PRKN: variants seen among roughly 807,000 people sequenced by gnomAD.
The protein encoded by PRKN is parkin RBR E3 ubiquitin protein ligase.
In PRKN, 56 loss-of-function variants were observed where a neutral mutation model predicts 59.5. That is an observed-to-expected ratio of 0.94 (90% confidence interval 0.76 to 1.18). The LOEUF (loss-of-function observed/expected upper bound fraction) is 1.18, where lower values mean the gene tolerates loss of function less well. PRKN is among the 50% of genes most tolerant of loss of function. The pLI is 0.00. For synonymous variants in PRKN, 250 were observed against 222.1 expected (o/e 1.13, Z -1.12); for missense variants, 657 against 596.4 (o/e 1.10, Z -1.06).
rs566537051 is a variant in PRKN, at chr6:161,733,133, C to A, written c.871+52639G>T. On this transcript the variant is annotated intron_variant, in intron 7 of 11. Transcript: ENST00000366898. ...TGAGGTATTATTATCAGAAAGATATCAAACAGTTAAACTTCACCTCTACTA... is the reference window on the plus strand; with the variant it reads ...TGAGGTATTATTATCAGAAAGATATAAAACAGTTAAACTTCACCTCTACTA... 1.3e-4 allele frequency among the ~76,000 whole-genome samples: 20 copies of A among 152,262 alleles called. No homozygotes were observed. The South Asian group carries it at 4.2e-3, about 32-fold the overall frequency.
At chr6:161,681,086 C>T (rs1253335907) in intron 7 of PRKN, among the ~76,000 whole-genome samples, 1 of 151,942 alleles carries the variant, frequency 6.6e-6, no homozygotes, top group East Asian at 1.9e-4. Context: ...TCAGCCTCCC[C>T]AGTAGCTGGA....
rs781518268 is a variant in PRKN at position 161,658,030 on chromosome 6, A to AAAAAAAAAAAAAAAAAAAAAG, written c.872-88615_872-88614insCTTTTTTTTTTTTTTTTTTTT. On this transcript the variant is annotated intron_variant, in intron 7 of 11. Transcript: ENST00000366898. Reference sequence around the variant, plus strand: ...GACTCTGTCTCAAAAAAAAAAAAAAAAAAAGAAAAGAAAAGAAAAAAACGG... The same window carrying AAAAAAAAAAAAAAAAAAAAAG: ...GACTCTGTCTCAAAAAAAAAAAAAAAAAAAAAAAAAAAAAAAAAAAGAAAAGAAAAGAAAAGAAAAAAACGG... Among the ~76,000 whole-genome samples the AAAAAAAAAAAAAAAAAAAAAG allele has an allele frequency of 1.9e-3, 198 of 104,830 alleles. 4 individuals are homozygous for AAAAAAAAAAAAAAAAAAAAAG. The highest frequency in any genetic ancestry group is 2.9e-3 in the Non-Finnish European group (151 of 52,796). The allele number at this position is 104,830 out of a possible 152,430, so 68.8% of individuals were successfully genotyped here. A position where few individuals can be genotyped will look rare whatever the true frequency, so the allele number is the denominator to read the frequency against.
chr6:161,839,699 A>G (rs993601572), intron 6 of PRKN, among the ~76,000 whole-genome samples: 7 of 152,194 alleles, frequency 4.6e-5, no homozygotes, highest in Non-Finnish European at 7.3e-5. Context: ...AACAATTTAA[A>G]GCCTTCTGGG....
chr6:162,292,859 C>A (rs1781506253), intron 2 of PRKN, among the ~76,000 whole-genome samples: 1 of 152,104 alleles, frequency 6.6e-6, no homozygotes. Flanking sequence ...GGATCTCCTA[C>A]AGCACACAAA....
intron 3 of PRKN, among the ~76,000 whole-genome samples, chr6:162,213,549 G>A (rs1777494351): frequency 6.6e-6 from 1 of 151,886 alleles, no homozygotes; most frequent in African/African-American, 2.4e-5. Context: ...AGCACAGTGA[G>A]ACTTCATCTC....
At chr6:162,508,148 A>G (rs927260476) in intron 1 of PRKN, among the ~76,000 whole-genome samples, 1 of 152,224 alleles carries the variant, frequency 6.6e-6, no homozygotes, top group African/African-American at 2.4e-5. Flanking sequence ...CAGCGGCAAG[A>G]GAAAATGAGG....
chr6:162,555,107 C>A (rs1779505955), intron 1 of PRKN, among the ~76,000 whole-genome samples: 1 of 151,936 alleles, frequency 6.6e-6, no homozygotes, highest in Admixed American at 6.6e-5. Flanking sequence ...TGTGATACCC[C>A]AACGCAAACA....
intron 6 of PRKN, among the ~76,000 whole-genome samples, chr6:161,832,657 T>C (rs2128218924): frequency 6.7e-6 from 1 of 148,522 alleles, no homozygotes; most frequent in East Asian, 2.0e-4. Flanking sequence ...TCAATATCAG[T>C]GTATACCCGC....
At chr6:161,508,494 A>G (rs7766600) in intron 9 of PRKN, among the ~76,000 whole-genome samples, 12,289 of 152,200 alleles carry the variant, frequency 0.081, 711 homozygotes, top group African/African-American at 0.16. Flanking sequence ...TCCATTACAC[A>G]TGATGAAAAA....
At chr6:161,839,863 T>C (rs1020300570) in intron 6 of PRKN, among the ~76,000 whole-genome samples, 2 of 152,198 alleles carry the variant, frequency 1.3e-5, no homozygotes, top group African/African-American at 2.4e-5. Context: ...ATGTATCCTA[T>C]TATAAAATTT....
intron 7 of PRKN, among the ~76,000 whole-genome samples, chr6:161,711,260 A>G (rs1463101445): frequency 6.6e-6 from 1 of 152,204 alleles, no homozygotes; most frequent in Non-Finnish European, 1.5e-5. Context: ...AGAAAGGGAA[A>G]TACATATAAC....
chr6:162,256,857 A>G (rs138218053), intron 3 of PRKN, among the ~76,000 whole-genome samples: 29 of 152,278 alleles, frequency 1.9e-4, no homozygotes, highest in African/African-American at 5.8e-4. Context: ...CTTCAGAAAA[A>G]TCAAAACATT....
At chr6:162,048,108 A>C (rs972291954) in intron 5 of PRKN, among the ~76,000 whole-genome samples, 23 of 152,008 alleles carry the variant, frequency 1.5e-4, no homozygotes, top group African/African-American at 5.6e-4. Flanking sequence ...TAAGAGTTGA[A>C]CTCCAGTCAA....
intron 1 of PRKN, 91 bp downstream of exon 1, chr6:162,727,571 C>T (rs2128243029): frequency 2.2e-6 from 3 of 1,365,798 alleles, no homozygotes; most frequent in East Asian, 2.5e-5. Context: ...ACAGTTGGCA[C>T]CGGGGGTCCT....
At chr6:162,189,625 A>G (rs1784186960) in intron 4 of PRKN, among the ~76,000 whole-genome samples, 1 of 151,868 alleles carries the variant, frequency 6.6e-6, no homozygotes, top group Non-Finnish European at 1.5e-5. Flanking sequence ...AATGAATCTA[A>G]TAAGGGAGCC....
chr6:161,455,991 T>A (rs1487676783), intron 9 of PRKN, among the ~76,000 whole-genome samples: 1 of 152,222 alleles, frequency 6.6e-6, no homozygotes, highest in East Asian at 1.9e-4. Context: ...GTTTATAGTT[T>A]CTTCCAGTTC....
rs1177703805 is a variant in PRKN at position 161,484,801 on chromosome 6, G to A, written c.1083+64053C>T. Among the ~76,000 whole-genome samples the A allele has an allele frequency of 6.6e-6, 1 of 152,064 alleles. No individual in the cohort carries two copies. Among genetic ancestry groups the A allele is most frequent in the African/African-American group, 2.4e-5 (1 of 41,392 alleles). On this transcript the variant is annotated intron_variant, in intron 9 of 11. Transcript: ENST00000366898. The surrounding 1 kb of genome is among the most constrained non-coding windows in gnomAD (Gnocchi z 4.9). ...TCCAGACATGACCAAATATCCCCTG[G>A]GGACAAAATCGCTGGCAACTGAGCA...
At chr6:162,601,871 G>T (rs73595953) in intron 1 of PRKN, among the ~76,000 whole-genome samples, 28 of 152,210 alleles carry the variant, frequency 1.8e-4, no homozygotes, top group African/African-American at 6.3e-4. Context: ...TGAATTTATC[G>T]TATCTTTAAC....
chr6:162,024,201 T>TC lies in PRKN; in HGVS notation c.618+29889_618+29890insG, dbSNP rs1170604070. 2.2e-5 allele frequency among the ~76,000 whole-genome samples: 3 copies of TC among 138,372 alleles called. No homozygotes were observed. The Admixed American group carries it at 2.2e-4, about 10-fold the overall frequency. 90.8% of individuals were successfully genotyped at this position (138,372 alleles called of 152,430 possible). ...TCCCTCCCTCCCCCAACCCTTTTTT[T>TC]TTTTTTTTTTTTTTTTGACAGAGTT... On this transcript the variant is annotated intron_variant, in intron 5 of 11. Coordinates refer to ENST00000366898, the MANE Select transcript of PRKN (RefSeq NM_004562.3).
Sources: gnomAD v4.1 joint callset for allele counts (sites outside exome capture counted in the v4.1 genomes callset) on GRCh38, gnomAD v4.1.1 for gene constraint, Gnocchi (gnomAD v3.1) non-coding constraint, MANE v1.5 for transcripts, NCBI Gene and HGNC (gene_info 2026-07-23, HGNC 2026-07-21) for gene names.